The following MUC5B variants were observed in gnomAD, a reference collection of about 807,000 sequenced individuals.
MUC5B encodes mucin-5B.
In MUC5B, 116 loss-of-function variants were observed where a neutral mutation model predicts 376.9. The observed-to-expected ratio is 0.31, with a 90% CI of 0.26 to 0.36. The LOEUF is 0.36. MUC5B is among the 10% of genes least tolerant of loss of function. The pLI is 1.00. For synonymous variants in MUC5B, 3,517 were observed against 3,390.9 expected (o/e 1.04, Z -1.29); for missense variants, 7,165 against 7,769.9 (o/e 0.92, Z 2.93).
Position 1,237,104 on chromosome 11 carries a change from C to G in MUC5B, c.3237C>G (p.Ser1079=). The stretch of plus-strand genomic sequence containing the variant: ...GCACGGCCAACCCCTTCCGCAAGTC[C>G]TGGGCCCAGAAGCAGTGCAGCATCC... ...DPCTANPFRK[S]WAQKQCSILH... is the part of the protein sequence containing the mutation. Residue 1079 remains serine, a synonymous_variant, in exon 25 of 49, where the codon TCC becomes TCG. Coordinates refer to ENST00000529681, the MANE Select transcript of MUC5B (RefSeq NM_002458.3). The G allele has an allele frequency of 6.4e-7, 1 of 1,550,578 alleles. No individual in the cohort carries two copies. Among genetic ancestry groups the G allele is most frequent in the Non-Finnish European group, 8.7e-7 (1 of 1,145,814 alleles).
rs56123928 is a variant in MUC5B at position 1,255,193 on chromosome 11, G to A, written c.15817G>A (p.Ala5273Thr). 40 of 1,488,828 alleles carry A rather than the reference G, an allele frequency of 2.7e-5. No homozygotes were observed. The highest frequency in any genetic ancestry group is 1.8e-4 in the Middle Eastern group (1 of 5,502). The allele number at this position is 1,488,828 out of a possible 1,614,324, so 92.2% of individuals were successfully genotyped here. Residue 5273 changes from alanine (A) to threonine (T), a missense_variant, in exon 36 of 49, where the codon GCA (alanine) becomes ACA (threonine). By Grantham distance (58) the Ala-to-Thr change is moderately conservative. This residue lies in a region of MUC5B where 842 missense variants were observed against 1,016.9 expected (regional missense o/e 0.83). Coordinates refer to ENST00000529681, the MANE Select transcript of MUC5B (RefSeq NM_002458.3). ...PTGTPPTASP[A>T]APVSSTPTPT... ...TGGCACACCCCCCACTGCCAGCCCC[G>A]CAGCCCCGGTGTCTAGCACACCCAC... is the stretch of plus-strand genomic sequence containing the variant.
Position 1,241,450 on chromosome 11 carries a change from G to A in MUC5B, c.4570G>A (p.Gly1524Arg). The A allele has an allele frequency of 6.2e-7, 1 of 1,613,572 alleles. No individual in the cohort carries two copies. Among genetic ancestry groups the A allele is most frequent in the East Asian group, 2.2e-5 (1 of 44,846 alleles). ...GGACTACCCCAAGTCTGAACAACTT[G>A]GAGGGGACGTTGAGTCCTACGATAA... ...DEDYPKSEQLGGDVESYDKIR... is the reference protein window; with the variant it reads ...DEDYPKSEQLRGDVESYDKIR... Residue 1524 changes from glycine (G) to arginine (R), a missense_variant, in exon 31 of 49, where the codon GGA (glycine) becomes AGA (arginine). This residue lies in a region of MUC5B where 517 missense variants were observed against 545.3 expected (regional missense o/e 0.95). Transcript: ENST00000529681.
In MUC5B at chr11:1,233,864, GCCC is replaced by G; in HGVS notation, c.2377+17_2377+19del. 5 of 495,878 alleles carry G rather than the reference GCCC, an allele frequency of 1.0e-5. No individual in the cohort carries two copies. The highest frequency in any genetic ancestry group is 1.3e-5 in the Non-Finnish European group (5 of 370,588). 30.7% of individuals were successfully genotyped at this position (495,878 alleles called of 1,614,324 possible). A position where few individuals can be genotyped will look rare whatever the true frequency, so the allele number is the denominator to read the frequency against. ...AAAAGCACAGGTAAGTGCCACCCCT[GCCC>G]TGCCCTGCCCTGCCCCGCCCCGCAT... On this transcript the variant is annotated intron_variant, in intron 19 of 48. Transcript: ENST00000529681.
Position 1,227,349 on chromosome 11 carries a change from G to A in MUC5B, c.618G>A (p.Leu206=). The change falls in exon 6 of 49, where the codon CTG becomes CTA. Residue 206 remains leucine (L), a synonymous_variant. Coordinates refer to ENST00000529681, the MANE Select transcript of MUC5B (RefSeq NM_002458.3). ...AATACGCCAACCAGACCTGTGGCCT[G>A]TGTGGGGACTTCAACGGCCTCCCGG... ...DPKYANQTCG[L]CGDFNGLPAF... The A allele has an allele frequency of 6.2e-7, 1 of 1,612,802 alleles. No individual in the cohort carries two copies. The highest frequency in any genetic ancestry group is 8.5e-7 in the Non-Finnish European group (1 of 1,179,768).
Position 1,234,490 on chromosome 11 carries a change from G to T in MUC5B, c.2479-39G>T. 2 of 1,557,436 alleles carry T rather than the reference G, an allele frequency of 1.3e-6. No individual in the cohort carries two copies. The highest frequency in any genetic ancestry group is 8.7e-7 in the Non-Finnish European group (1 of 1,151,188). On this transcript the variant is annotated intron_variant, in intron 20 of 48. Transcript: ENST00000529681. The surrounding 1 kb of genome is among the most constrained non-coding windows in gnomAD (Gnocchi z 6.3). Reference sequence around the variant, plus strand: ...AGGGTGAGTGACATCTGCCCACCCTGGTGTCCAGCCCTGACCGGTACCTGC... The same window carrying T: ...AGGGTGAGTGACATCTGCCCACCCTTGTGTCCAGCCCTGACCGGTACCTGC...
rs1466176268 is a variant in MUC5B, at chr11:1,240,038, C to T, written c.3729-7C>T. The stretch of plus-strand genomic sequence containing the variant: ...AGGCCCTCAGCTCGCCTCTCCCCCA[C>T]CCCTAGTAACTGCACACCCAGTGGC... On this transcript the variant is annotated splice_region_variant and splice_polypyrimidine_tract_variant and intron_variant, in intron 28 of 48. Transcript: ENST00000529681. 1.9e-6 allele frequency: 3 copies of T among 1,581,636 alleles called. No homozygotes were observed. The highest frequency in any genetic ancestry group is 1.8e-5 in the Admixed American group (1 of 56,946).
rs1367216885 is a variant in MUC5B, at chr11:1,242,543, C to T, written c.5663C>T (p.Thr1888Ile). The change falls in exon 31 of 49, where the codon ACC (threonine) becomes ATC (isoleucine). Residue 1888 changes from threonine to isoleucine, a missense_variant. By Grantham distance (89) the Thr-to-Ile change is moderately conservative. Transcript: ENST00000529681. ...GACGACTACAGCCACTGCCCCAGTACCCCAGCCACCAGCTCCACGGCCACG... is the reference window on the plus strand; with the variant it reads ...GACGACTACAGCCACTGCCCCAGTATCCCAGCCACCAGCTCCACGGCCACG... ...CCDDYSHCPS[T>I]PATSSTATPS... 6.2e-7 allele frequency: 1 copy of T among 1,613,702 alleles called. No homozygotes were observed. Among genetic ancestry groups the T allele is most frequent in the Non-Finnish European group, 8.5e-7 (1 of 1,179,820 alleles).
rs561053154 is a variant in MUC5B, at chr11:1,233,152, C to T, written c.2205C>T (p.Pro735=). Reference sequence around the variant, plus strand: ...TGCCTGTGGACGGCTGCACCTGCCCCGCGGGCACCTTCCTCAATGACGCGG... The same window carrying T: ...TGCCTGTGGACGGCTGCACCTGCCCTGCGGGCACCTTCCTCAATGACGCGG... ...SFVPVDGCTC[P]AGTFLNDAGA... The change falls in exon 18 of 49, where the codon CCC becomes CCT. Residue 735 remains proline, a synonymous_variant. Coordinates refer to ENST00000529681, the MANE Select transcript of MUC5B (RefSeq NM_002458.3). The T allele has an allele frequency of 1.2e-5, 19 of 1,606,670 alleles. No individual in the cohort carries two copies. Among genetic ancestry groups the T allele is most frequent in the Middle Eastern group, 3.3e-4 (2 of 6,058 alleles).
Position 1,258,368 on chromosome 11 carries a change from G to A in MUC5B, c.16593+1G>A. ...TTCGTACAATGGCACCTTCTACGGG[G>A]TAAGGGCACAGCAGTGGGTGGGTGT... is the stretch of plus-strand genomic sequence containing the variant. On this transcript the variant is annotated splice_donor_variant, in intron 43 of 48. Coordinates refer to ENST00000529681, the MANE Select transcript of MUC5B (RefSeq NM_002458.3). LOFTEE classifies it high-confidence loss of function. The surrounding 1 kb of genome is among the most constrained non-coding windows in gnomAD (Gnocchi z 5.5). 1 of 1,612,078 alleles carries A rather than the reference G, an allele frequency of 6.2e-7. No homozygotes were observed. The highest frequency in any genetic ancestry group is 8.5e-7 in the Non-Finnish European group (1 of 1,179,548).
Position 1,260,372 on chromosome 11 carries a change from T to C in MUC5B, c.16945T>C (p.Cys5649Arg), listed in dbSNP as rs1862967480. The C allele has an allele frequency of 1.2e-6, 2 of 1,612,382 alleles. No homozygotes were observed. Among genetic ancestry groups the C allele is most frequent in the Admixed American group, 1.7e-5 (1 of 59,994 alleles). ...SCRGSLRKTG[C>R]CYSCEEDSCQ... ...CCAGGGGAGCCTCAGGAAAACCGGCTGCTGCTACTCCTGTGAGGAGGGTAA... is the reference window on the plus strand; with the variant it reads ...CCAGGGGAGCCTCAGGAAAACCGGCCGCTGCTACTCCTGTGAGGAGGGTAA... Residue 5649 changes from cysteine to arginine, a missense_variant, in exon 47 of 49, where the codon TGC becomes CGC. Coordinates refer to ENST00000529681, the MANE Select transcript of MUC5B (RefSeq NM_002458.3).
Position 1,245,161 on chromosome 11 carries a change from C to T in MUC5B, c.8281C>T (p.Pro2761Ser). The T allele has an allele frequency of 6.4e-7, 1 of 1,571,456 alleles. No homozygotes were observed. Among genetic ancestry groups the T allele is most frequent in the Non-Finnish European group, 8.6e-7 (1 of 1,157,480 alleles). The change falls in exon 31 of 49, where the codon CCC becomes TCC. Residue 2761 changes from proline (P) to serine (S), a missense_variant. Physicochemically the swap from Pro to Ser is moderately conservative, Grantham distance 74. Coordinates refer to ENST00000529681, the MANE Select transcript of MUC5B (RefSeq NM_002458.3). The stretch of plus-strand genomic sequence containing the variant: ...CACCACACACGGGCGATCCCTGTCC[C>T]CCAGCAGTCCCCACACGGTGCGCAC... The part of the protein sequence containing the change: ...TATTHGRSLS[P>S]SSPHTVRTAW...
chr11:1,240,249 G>C lies in MUC5B; in HGVS notation c.3844G>C (p.Gly1282Arg). 1 of 1,613,654 alleles carries C rather than the reference G, an allele frequency of 6.2e-7. No individual in the cohort carries two copies. ...DVIYNTTDGL[G>R]ACLIAICGSN... ...CATCTACAACACCACCGATGGGCTTGGCGCCTGCTTGATCGCCATCTGCGG... is the reference window on the plus strand; with the variant it reads ...CATCTACAACACCACCGATGGGCTTCGCGCCTGCTTGATCGCCATCTGCGG... Residue 1282 changes from glycine to arginine, a missense_variant, in exon 30 of 49, where the codon GGC (glycine) becomes CGC (arginine). Gly to Arg is a moderately radical substitution (Grantham distance 125). This residue lies in a region of MUC5B where 517 missense variants were observed against 545.3 expected (regional missense o/e 0.95). Coordinates refer to ENST00000529681, the MANE Select transcript of MUC5B (RefSeq NM_002458.3).
rs761216246 is a variant in MUC5B, at chr11:1,251,238, C to A, written c.14358C>A (p.Thr4786=). The A allele has an allele frequency of 6.2e-7, 1 of 1,611,272 alleles. No homozygotes were observed. The highest frequency in any genetic ancestry group is 1.7e-5 in the Admixed American group (1 of 59,976). The change falls in exon 31 of 49, where the codon ACC becomes ACA. Residue 4786 remains threonine (T), a synonymous_variant. Transcript: ENST00000529681. The stretch of plus-strand genomic sequence containing the variant: ...TCCACACCTCCTCTACTCCAGAGAC[C>A]ACCCACACCTCCACAGTGCTGACCA... ...STIHTSSTPE[T]THTSTVLTTT... is the part of the protein sequence containing the mutation.
rs1056044486 is a variant in MUC5B, at chr11:1,234,051, G to A, written c.2378-154G>A. On this transcript the variant is annotated intron_variant, in intron 19 of 48. Coordinates refer to ENST00000529681, the MANE Select transcript of MUC5B (RefSeq NM_002458.3). This position sits in a 1 kb window ranked among gnomAD's most constrained non-coding sequence, Gnocchi z 6.3. ...TGGGTCTCTGCCCCGCAGTGTGGCC[G>A]GGGTGTCCTGGGGTTGGGGGCTGCA... 1.3e-5 allele frequency among the ~76,000 whole-genome samples: 2 copies of A among 152,308 alleles called. No homozygotes were observed. Among genetic ancestry groups the A allele is most frequent in the Admixed American group, 6.5e-5 (1 of 15,308 alleles).
Position 1,258,047 on chromosome 11 carries a change from G to C in MUC5B, c.16451-52G>C. 6.7e-7 allele frequency: 1 copy of C among 1,492,982 alleles called. No homozygotes were observed. The highest frequency in any genetic ancestry group is 1.2e-5 in the South Asian group (1 of 82,702). The allele number at this position is 1,492,982 out of a possible 1,614,324, so 92.5% of individuals were successfully genotyped here. On this transcript the variant is annotated intron_variant, in intron 41 of 48. Transcript: ENST00000529681. This position sits in a 1 kb window ranked among gnomAD's most constrained non-coding sequence, Gnocchi z 5.5. ...CTGCGACTTACTCTGGGAACAAGTG[G>C]TCGGGAGGAGGAGTGAGCAGCGCCC...
chr11:1,234,818 G>A lies in MUC5B; in HGVS notation c.2630+138G>A. The stretch of plus-strand genomic sequence containing the variant: ...CTGGCCAGGGTGAGGTGGGGCCGTG[G>A]CAGGAGAGAGAGTTGCTAGGAAAGC... On this transcript the variant is annotated intron_variant, in intron 21 of 48. Transcript: ENST00000529681. This position sits in a 1 kb window ranked among gnomAD's most constrained non-coding sequence, Gnocchi z 6.3. The A allele has an allele frequency of 8.7e-7, 1 of 1,151,966 alleles. No homozygotes were observed. The highest frequency in any genetic ancestry group is 1.2e-6 in the Non-Finnish European group (1 of 838,438). 71.4% of individuals were successfully genotyped at this position (1,151,966 alleles called of 1,614,324 possible).
In MUC5B at chr11:1,223,196, A is replaced by C. The variant is rs1408440758; in HGVS notation, c.70+3A>C. ...CATGCTCGTGGTGCCGCAGGCAGGTAAGAGCCCCCCACTCCGCCCCCTCTC... is the reference window on the plus strand; with the variant it reads ...CATGCTCGTGGTGCCGCAGGCAGGTCAGAGCCCCCCACTCCGCCCCCTCTC... On this transcript the variant is annotated splice_donor_region_variant and intron_variant, in intron 1 of 48. Transcript: ENST00000529681. 1 of 710,838 alleles carries C rather than the reference A, an allele frequency of 1.4e-6. No individual in the cohort carries two copies. Among genetic ancestry groups the C allele is most frequent in the East Asian group, 2.7e-5 (1 of 37,246 alleles). The allele number at this position is 710,838 out of a possible 1,614,324, so 44.0% of individuals were successfully genotyped here.
chr11:1,260,514 G>C, intron 47 of MUC5B, 112 bp from the exon 48 acceptor site: 2 of 1,458,794 alleles, frequency 1.4e-6, no homozygotes, highest in Non-Finnish European at 9.5e-7. Flanking sequence ...CTCCACCCTC[G>C]GTCCTGGAGG....
At chr11:1,230,177 G>T in intron 11 of MUC5B, 34 bp downstream of exon 11, 1 of 1,561,162 alleles carries the variant, frequency 6.4e-7, no homozygotes, top group South Asian at 1.2e-5. Flanking sequence ...CAGACACCCA[G>T]ACCCTCCTGG....
Sources: allele counts gnomAD v4.1 joint callset (sites outside exome capture counted in the v4.1 genomes callset), GRCh38; gene constraint gnomAD v4.1.1; regional missense constraint gnomAD v4.1.1; non-coding constraint Gnocchi (gnomAD v3.1); transcripts MANE v1.5; gene names NCBI Gene and HGNC (gene_info 2026-07-23, HGNC 2026-07-21).